The following FAHD1 variants were observed in gnomAD, a reference collection of about 807,000 sequenced individuals.
The protein encoded by FAHD1 is oxaloacetate tautomerase FAHD1, mitochondrial.
In FAHD1, 14 loss-of-function variants were observed where a neutral mutation model predicts 12.7. The observed-to-expected ratio is 1.10, with a 90% CI of 0.73 to 1.72. The LOEUF is 1.72. Ranked by LOEUF, FAHD1 falls within the 40% of genes most tolerant of loss-of-function variation. The pLI, the probability that FAHD1 is intolerant of heterozygous loss-of-function variation, is 0.00. For missense variants in FAHD1, 351 were observed against 298.9 expected (o/e 1.17, Z -1.29); for synonymous variants, 153 against 124.9 (o/e 1.22, Z -1.50).
At chr16:1,828,949 C>G (rs1007300553), downstream of FAHD1, 2 of 996,830 alleles carry the variant, frequency 2.0e-6, no homozygotes, top group Admixed American at 6.2e-5. Flanking sequence ...CCAGTAATGA[C>G]GAGGAGGGAT....
chr16:1,828,155 C>T, exon 1 of FAHD1: 1 of 846,560 alleles, frequency 1.2e-6, no homozygotes, highest in South Asian at 2.0e-5. Flanking sequence ...GTGGCGGGCG[C>T]CTGTAGTCCC....
chr16:1,839,642 T>G (rs1168000856), exon 3 of FAHD1: 1 of 497,018 alleles, frequency 2.0e-6, no homozygotes, highest in Non-Finnish European at 3.5e-6. Flanking sequence ...CATCTGAAAC[T>G]GCGTACACCA....
At chr16:1,835,860 TTC>T (rs1229561888) in intron 1 of FAHD1, among the ~76,000 whole-genome samples, 1 of 127,560 alleles carries the variant, frequency 7.8e-6, no homozygotes, top group African/African-American at 3.1e-5. Flanking sequence ...CAATTCCTTT[TTC>T]TTTTTTTTTT....
At chr16:1,828,406 A>G in exon 1 of FAHD1, 2 of 1,001,662 alleles carry the variant, frequency 2.0e-6, no homozygotes, top group Non-Finnish European at 2.4e-6. Flanking sequence ...ACAGGCAAGT[A>G]AAGTATTTCT....
At chr16:1,829,133 A>T (rs1898577595), downstream of FAHD1, among the ~76,000 whole-genome samples, 2 of 152,152 alleles carry the variant, frequency 1.3e-5, no homozygotes, top group Admixed American at 1.3e-4. Flanking sequence ...CCCTCCTCTG[A>T]AAAAACATCC....
chr16:1,834,392 C>T (rs1489758169), intron 1 of FAHD1: 1 of 1,274,192 alleles, frequency 7.8e-7, no homozygotes, highest in Non-Finnish European at 1.1e-6. Flanking sequence ...GAAAAAGAGA[C>T]AAAAGGTTAA....
chr16:1,830,945 C>CACA (rs1555470125), downstream of FAHD1, among the ~76,000 whole-genome samples: 194 of 19,482 alleles, frequency 1.0e-2, no homozygotes, highest in Non-Finnish European at 0.03. Context: ...CACACACACA[C>CACA]CCATATTTTG....
chr16:1,830,551 G>T (rs1296190660), downstream of FAHD1, among the ~76,000 whole-genome samples: 4 of 152,176 alleles, frequency 2.6e-5, no homozygotes, highest in Non-Finnish European at 2.9e-5. Context: ...CGAGTACAGT[G>T]CCCCTGGGGT....
At chr16:1,838,378 G>A (rs1019129209) in intron 2 of FAHD1, among the ~76,000 whole-genome samples, 1 of 152,118 alleles carries the variant, frequency 6.6e-6, no homozygotes, top group African/African-American at 2.4e-5. Flanking sequence ...AGGTATCTCA[G>A]CAAGGAAAAA....
downstream of FAHD1, among the ~76,000 whole-genome samples, chr16:1,830,237 T>C (rs1898596598): frequency 6.6e-6 from 1 of 152,254 alleles, no homozygotes; most frequent in Admixed American, 6.5e-5. Flanking sequence ...CTGACACATT[T>C]CTGCAGTACA....
downstream of FAHD1, among the ~76,000 whole-genome samples, chr16:1,832,677 G>A (rs544885316): frequency 1.3e-5 from 2 of 152,074 alleles, no homozygotes; most frequent in South Asian, 2.1e-4. Flanking sequence ...TCCTGGACAC[G>A]GGGCTCAGTG....
intron 1 of FAHD1, among the ~76,000 whole-genome samples, chr16:1,834,810 C>T (rs1898695329): frequency 6.6e-6 from 1 of 152,094 alleles, no homozygotes; most frequent in South Asian, 2.1e-4. Context: ...TGGCACACAC[C>T]TGTTATCCCA....
At chr16:1,828,418 C>G in exon 1 of FAHD1, 2 of 1,001,176 alleles carry the variant, frequency 2.0e-6, no homozygotes, top group Non-Finnish European at 2.4e-6. Context: ...AGTATTTCTT[C>G]GGAAAACATT....
chr16:1,829,121 C>CA (rs949774221), downstream of FAHD1, among the ~76,000 whole-genome samples: 3 of 152,148 alleles, frequency 2.0e-5, no homozygotes, highest in Non-Finnish European at 4.4e-5. Context: ...CTCTTGCCTG[C>CA]ACCCTCCTCT....
At chr16:1,837,607 A>T in intron 1 of FAHD1, 1 of 463,802 alleles carries the variant, frequency 2.2e-6, no homozygotes. Context: ...TCCTTTATAC[A>T]ATATGAAAAA....
chr16:1,833,236 A>G (rs1306628830), downstream of FAHD1, among the ~76,000 whole-genome samples: 1 of 152,122 alleles, frequency 6.6e-6, no homozygotes, highest in Non-Finnish European at 1.5e-5. Flanking sequence ...TGTCGTCCTC[A>G]TGTCCTGAGT....
At chr16:1,827,414 C>A (rs1898503507) in exon 1 of FAHD1, 1 of 1,610,154 alleles carries the variant, frequency 6.2e-7, no homozygotes, top group South Asian at 1.1e-5. Context: ...ATCCTCATGC[C>A]CGCGTACACT....
chr16:1,828,903 C>T (rs1214043879), exon 1 of FAHD1: 1 of 1,000,160 alleles, frequency 1.0e-6, no homozygotes, highest in African/African-American at 1.7e-5. Context: ...AAAGGTGCTC[C>T]CTTCTAAGTG....
At chr16:1,834,611 T>C (rs977639091) in intron 1 of FAHD1, among the ~76,000 whole-genome samples, 2 of 152,218 alleles carry the variant, frequency 1.3e-5, no homozygotes, top group African/African-American at 4.8e-5. Context: ...GCTATTTCTC[T>C]CAGGTAGGAA....
Sources: gnomAD v4.1 joint callset for allele counts (sites outside exome capture counted in the v4.1 genomes callset) on GRCh38, gnomAD v4.1.1 for gene constraint, MANE v1.5 for transcripts, NCBI Gene and HGNC (gene_info 2026-07-23, HGNC 2026-07-21) for gene names.